The following FBLN2 variants were observed in gnomAD, a reference collection of about 807,000 sequenced individuals.
FBLN2 encodes fibulin 2.
In FBLN2, 81 loss-of-function variants were observed where a neutral mutation model predicts 123.7. The ratio of observed to expected loss-of-function variants is 0.65; its 90% confidence interval spans 0.55 to 0.79. FBLN2 has a LOEUF of 0.79. FBLN2 is among the 30% of genes least tolerant of loss of function. FBLN2 has a pLI of 0.00. For missense variants in FBLN2, 1,603 were observed against 1,681.3 expected, an observed-to-expected ratio of 0.95 and a Z score of 0.81; for synonymous variants, 699 against 701.4, an observed-to-expected ratio of 1.00 and a Z score of 0.05.
At chr3:13,619,591 C>A in intron 7 of FBLN2, 139 bp from the exon 8 acceptor site, 1 of 685,648 alleles carries the variant, frequency 1.5e-6, no homozygotes, top group Non-Finnish European at 2.5e-6. Flanking sequence ...AGTGGCGTTC[C>A]TTGTCTCCCA....
chr3:13,580,465 G>T (rs986225970), intron 2 of FBLN2, among the ~76,000 whole-genome samples: 4 of 152,218 alleles, frequency 2.6e-5, no homozygotes, highest in African/African-American at 7.2e-5. Flanking sequence ...GGAGCTGCCA[G>T]TCGTGGGGTG....
intron 2 of FBLN2, among the ~76,000 whole-genome samples, chr3:13,574,969 C>T (rs958444861): frequency 6.6e-6 from 1 of 152,222 alleles, no homozygotes; most frequent in Non-Finnish European, 1.5e-5. Flanking sequence ...CCCCATTAGA[C>T]TCTAAACGAG....
At chr3:13,574,642 C>T (rs1305644618) in intron 2 of FBLN2, among the ~76,000 whole-genome samples, 1 of 152,110 alleles carries the variant, frequency 6.6e-6, no homozygotes, top group Non-Finnish European at 1.5e-5. Context: ...CCCAGGGCTG[C>T]CATGGCAACG....
intron 1 of FBLN2, among the ~76,000 whole-genome samples, chr3:13,561,651 C>G (rs1003498788): frequency 6.6e-6 from 1 of 152,196 alleles, no homozygotes; most frequent in African/African-American, 2.4e-5. Flanking sequence ...CCTCGTCTGA[C>G]CATTCTTGCC....
chr3:13,603,378 C>A (rs1486745342), intron 2 of FBLN2, among the ~76,000 whole-genome samples: 1 of 143,524 alleles, frequency 7.0e-6, no homozygotes, highest in Non-Finnish European at 1.5e-5. Flanking sequence ...CTAATGCTAT[C>A]CTTCCCCCCT....
Position 13,631,377 on chromosome 3 carries a change from G to T in FBLN2, c.3134G>T (p.Cys1045Phe). 6.2e-7 allele frequency: 1 copy of T among 1,602,562 alleles called. No individual in the cohort carries two copies. Among genetic ancestry groups the T allele is most frequent in the Non-Finnish European group, 8.5e-7 (1 of 1,174,954 alleles). Residue 1045 changes from cysteine to phenylalanine, a missense_variant, in exon 16 of 18, where the codon TGT (cysteine) becomes TTT (phenylalanine). Coordinates refer to ENST00000404922, the MANE Select transcript of FBLN2 (RefSeq NM_001004019.2). ...GCCGGCATCCTCTGCACCTTCCGCTGTCTCAACGTGCCAGGGAGCTACCAG... is the reference window on the plus strand; with the variant it reads ...GCCGGCATCCTCTGCACCTTCCGCTTTCTCAACGTGCCAGGGAGCTACCAG... ...QGAGILCTFRCLNVPGSYQCA... is the reference protein window; with the variant it reads ...QGAGILCTFRFLNVPGSYQCA...
rs148135786 is a variant in FBLN2, at chr3:13,599,216, A to G, written c.1307-8846A>G. Among the ~76,000 whole-genome samples the G allele has an allele frequency of 2.4e-3, 366 of 152,322 alleles. 2 individuals are homozygous for G. Among genetic ancestry groups the G allele is most frequent in the Non-Finnish European group, 3.8e-3 (258 of 68,026 alleles). The stretch of plus-strand genomic sequence containing the variant: ...AGGTAAGATGATGTGATGAGGGTTG[A>G]GTAGGAGTTAGTTTAGATATGGAAG... On this transcript the variant is annotated intron_variant, in intron 2 of 17. Coordinates refer to ENST00000404922, the MANE Select transcript of FBLN2 (RefSeq NM_001004019.2).
At chr3:13,555,994 G>A (rs563306201) in intron 1 of FBLN2, among the ~76,000 whole-genome samples, 2 of 152,260 alleles carry the variant, frequency 1.3e-5, no homozygotes, top group East Asian at 3.9e-4. Flanking sequence ...CATCTCCTGG[G>A]GCTGCCTTGG....
At position 13,582,277 on chromosome 3, in the gene FBLN2, C is replaced by T. The variant is rs542960568; in HGVS notation, c.1306+10616C>T. ...AGATGCGGCTTTCCTGAGGCTGAAC[C>T]ATGCCTAGGAGTCCTTGGCCTCCTG... is the stretch of plus-strand genomic sequence containing the variant. On this transcript the variant is annotated intron_variant, in intron 2 of 17. Transcript: ENST00000404922. Among the ~76,000 whole-genome samples the T allele has an allele frequency of 2.6e-5, 4 of 152,314 alleles. No homozygotes were observed. The East Asian group carries it at 7.7e-4, about 29-fold the overall frequency.
intron 2 of FBLN2, among the ~76,000 whole-genome samples, chr3:13,584,556 G>A (rs534398743): frequency 2.0e-5 from 3 of 152,340 alleles, no homozygotes; most frequent in South Asian, 2.1e-4. Context: ...CTGCAGGGGA[G>A]ACTGGTGAGA....
At chr3:13,627,116 G>T (rs4684966) in intron 10 of FBLN2, among the ~76,000 whole-genome samples, 60,342 of 151,516 alleles carry the variant, frequency 0.4, 13,098 homozygotes, top group East Asian at 0.58. Context: ...AGAGATGGCA[G>T]AGTGACTGGG....
chr3:13,617,096 A>T (rs1404373909), intron 5 of FBLN2, among the ~76,000 whole-genome samples: 1 of 152,104 alleles, frequency 6.6e-6, no homozygotes, highest in Non-Finnish European at 1.5e-5. Context: ...TGATGGGTTC[A>T]TTCTTACTGC....
At chr3:13,564,349 G>C (rs1238641646) in intron 1 of FBLN2, among the ~76,000 whole-genome samples, 1 of 152,178 alleles carries the variant, frequency 6.6e-6, no homozygotes, top group East Asian at 1.9e-4. Context: ...GCAAGTCCCA[G>C]TGTTTTGATA....
At chr3:13,573,670 A>G (rs60651453) in intron 2 of FBLN2, among the ~76,000 whole-genome samples, 17,996 of 152,062 alleles carry the variant, frequency 0.12, 3,053 homozygotes, top group African/African-American at 0.37. Context: ...TTGGGAGGCC[A>G]AGGTGGGTGG....
intron 4 of FBLN2, among the ~76,000 whole-genome samples, chr3:13,611,573 A>G (rs527497037): frequency 1.1e-4 from 17 of 152,340 alleles, no homozygotes; most frequent in African/African-American, 3.6e-4. Flanking sequence ...AATGTCTTCA[A>G]GGTTCATCCA....
chr3:13,554,690 G>A lies in FBLN2; in HGVS notation c.-42+5482G>A, dbSNP rs535913067. On this transcript the variant is annotated intron_variant, in intron 1 of 17. Coordinates refer to ENST00000404922, the MANE Select transcript of FBLN2 (RefSeq NM_001004019.2). ...GCTGTGGAAACAAATTAATTTCACC[G>A]TTTTGGCCCATGGGCATCCCAGGGG... is the stretch of plus-strand genomic sequence containing the variant. Among the ~76,000 whole-genome samples, 11 of 151,442 alleles carry A rather than the reference G, an allele frequency of 7.3e-5. No individual in the cohort carries two copies. In the South Asian group the frequency reaches 1.3e-3, roughly 17 times the overall value.
intron 2 of FBLN2, among the ~76,000 whole-genome samples, chr3:13,598,225 A>G (rs1704910033): frequency 6.6e-6 from 1 of 152,248 alleles, no homozygotes; most frequent in Non-Finnish European, 1.5e-5. Flanking sequence ...ATGTGCCAGG[A>G]GACAGGAGGC....
At position 13,552,221 on chromosome 3, in the gene FBLN2, G is replaced by T. The variant is rs552647235; in HGVS notation, c.-42+3013G>T. On this transcript the variant is annotated intron_variant, in intron 1 of 17. Coordinates refer to ENST00000404922, the MANE Select transcript of FBLN2 (RefSeq NM_001004019.2). ...CTGGCAGGGAACAGGCTGGAGGGCA[G>T]CTGTGGGGATCCATGCAGCTTCCAG... 1.1e-4 allele frequency among the ~76,000 whole-genome samples: 6 copies of T among 52,808 alleles called. No homozygotes were observed. The East Asian group carries it at 0.27, about 2,400-fold the overall frequency. 34.6% of individuals were successfully genotyped at this position (52,808 alleles called of 152,430 possible).
At position 13,631,320 on chromosome 3, in the gene FBLN2, C is replaced by A. The variant is rs1445025278; in HGVS notation, c.3086-9C>A. On this transcript the variant is annotated splice_polypyrimidine_tract_variant and intron_variant, in intron 15 of 17. Coordinates refer to ENST00000404922, the MANE Select transcript of FBLN2 (RefSeq NM_001004019.2). ...GAGGTTCACCAGGGGCTGAACCTCT[C>A]TCTGACAGACATCGACGAGTGTGCT... is the stretch of plus-strand genomic sequence containing the variant. The A allele has an allele frequency of 1.2e-6, 2 of 1,600,512 alleles. No homozygotes were observed. Among genetic ancestry groups the A allele is most frequent in the Non-Finnish European group, 1.7e-6 (2 of 1,174,248 alleles).
Sources: allele counts gnomAD v4.1 joint callset (sites outside exome capture counted in the v4.1 genomes callset), GRCh38; gene constraint gnomAD v4.1.1; transcripts MANE v1.5; gene names NCBI Gene and HGNC (gene_info 2026-07-23, HGNC 2026-07-21).